LIMCH1: variants seen among roughly 807,000 people sequenced by gnomAD.
LIMCH1 encodes LIM and calponin homology domains 1, also known as LIM and calponin homology domains-containing protein 1.
A neutral mutation model predicts 176.5 loss-of-function variants in LIMCH1; 113 were observed. That is an observed-to-expected ratio of 0.64 (90% CI 0.55 to 0.75). The LOEUF (loss-of-function observed/expected upper bound fraction) is 0.75, where lower values mean the gene tolerates loss of function less well. Ranked by LOEUF, LIMCH1 falls within the 30% of genes least tolerant of loss-of-function variation. LIMCH1 has a pLI of 0.00. For synonymous variants in LIMCH1, 619 were observed against 645.9 expected, an observed-to-expected ratio of 0.96 and a Z score of 0.63; for missense variants, 1,674 against 1,814.9, an observed-to-expected ratio of 0.92 and a Z score of 1.41.
chr4:41,429,428 C>T (rs953667301), intron 1 of LIMCH1, among the ~76,000 whole-genome samples: 6 of 152,146 alleles, frequency 3.9e-5, no homozygotes, highest in African/African-American at 1.4e-4. Context: ...TGTGAACAGA[C>T]TGTTCTCTAC....
intron 1 of LIMCH1, among the ~76,000 whole-genome samples, chr4:41,410,925 A>G (rs3923631): frequency 6.6e-6 from 1 of 151,910 alleles, no homozygotes; most frequent in African/African-American, 2.4e-5. Context: ...CTGCTAGCCC[A>G]TCCGGATAAA....
At chr4:41,493,537 T>G (rs932622078) in intron 1 of LIMCH1, among the ~76,000 whole-genome samples, 2 of 152,182 alleles carry the variant, frequency 1.3e-5, no homozygotes, top group African/African-American at 4.8e-5. Context: ...TTATATTATA[T>G]TATGCAGTGT....
chr4:41,415,838 A>G (rs1314267278), intron 1 of LIMCH1, among the ~76,000 whole-genome samples: 1 of 152,068 alleles, frequency 6.6e-6, no homozygotes, highest in Non-Finnish European at 1.5e-5. Flanking sequence ...ATAGCTGGGC[A>G]TGGTGGCACG....
chr4:41,502,438 G>A (rs6832105), intron 2 of LIMCH1, among the ~76,000 whole-genome samples: 24,840 of 151,908 alleles, frequency 0.16, 3,107 homozygotes, highest in African/African-American at 0.35. Flanking sequence ...TAATGGGATC[G>A]CTGGGTCAAA....
At chr4:41,676,972 G>GGCCAACATGACGAAACCCC (rs1354020505) in intron 23 of LIMCH1, among the ~76,000 whole-genome samples, 3 of 151,976 alleles carry the variant, frequency 2.0e-5, no homozygotes, top group African/African-American at 7.3e-5. Context: ...AGACCAGCCT[G>GGCCAACATGACGAAACCCC]GCCAACATGA....
intron 18 of LIMCH1, among the ~76,000 whole-genome samples, chr4:41,658,103 C>T (rs1383145035): frequency 6.6e-6 from 1 of 152,128 alleles, no homozygotes; most frequent in Non-Finnish European, 1.5e-5. Flanking sequence ...AGGGTTCCCA[C>T]CTCCCCTGCC....
At chr4:41,631,627 T>A (rs1369593028) in intron 10 of LIMCH1, 150 bp downstream of exon 10, 5 of 629,288 alleles carry the variant, frequency 7.9e-6, no homozygotes, top group Non-Finnish European at 1.3e-5. Context: ...CGGGTCCCCC[T>A]GCGGGGAACA....
intron 2 of LIMCH1, among the ~76,000 whole-genome samples, chr4:41,515,292 C>T (rs1360404390): frequency 6.6e-6 from 1 of 152,252 alleles, no homozygotes; most frequent in Non-Finnish European, 1.5e-5. Context: ...CTTCCTTCCT[C>T]CGCGTCCCCA....
chr4:41,619,507 G>A, intron 6 of LIMCH1, 67 bp downstream of exon 6: 1 of 1,582,544 alleles, frequency 6.3e-7, no homozygotes, highest in East Asian at 2.2e-5. Flanking sequence ...TGCAGCTCCT[G>A]GACAGGAACG....
At chr4:41,406,392 T>C (rs2058963859) in intron 1 of LIMCH1, among the ~76,000 whole-genome samples, 2 of 152,164 alleles carry the variant, frequency 1.3e-5, no homozygotes, top group Admixed American at 1.3e-4. Context: ...ATCAGAAGCT[T>C]GACTTTTACC....
intron 22 of LIMCH1, among the ~76,000 whole-genome samples, chr4:41,674,941 C>T (rs2095166528): frequency 6.6e-6 from 1 of 152,084 alleles, no homozygotes; most frequent in South Asian, 2.1e-4. Flanking sequence ...AAATGATTTT[C>T]CCCCTGCATA....
intron 1 of LIMCH1, among the ~76,000 whole-genome samples, chr4:41,598,598 A>G (rs2089359447): frequency 6.6e-6 from 1 of 152,166 alleles, no homozygotes; most frequent in Non-Finnish European, 1.5e-5. Flanking sequence ...ATGGACAAAG[A>G]AGCAATAAGG....
intron 4 of LIMCH1, among the ~76,000 whole-genome samples, chr4:41,610,110 A>G (rs1584824686): frequency 6.6e-6 from 1 of 152,158 alleles, no homozygotes; most frequent in African/African-American, 2.4e-5. Flanking sequence ...GGCTTTCTAC[A>G]CAGCCGTGAA....
At chr4:41,458,103 A>G (rs781538173) in intron 1 of LIMCH1, among the ~76,000 whole-genome samples, 4 of 152,196 alleles carry the variant, frequency 2.6e-5, no homozygotes, top group African/African-American at 7.2e-5. Context: ...TGATGTAATT[A>G]TTATGCATCG....
chr4:41,371,206 A>G (rs2053907239), intron 1 of LIMCH1, among the ~76,000 whole-genome samples: 1 of 152,148 alleles, frequency 6.6e-6, no homozygotes, highest in Non-Finnish European at 1.5e-5. Flanking sequence ...CATTCCCTTA[A>G]TGGTTCAATA....
chr4:41,588,200 C>G (rs1230499434), intron 1 of LIMCH1, among the ~76,000 whole-genome samples: 3 of 150,290 alleles, frequency 2.0e-5, no homozygotes, highest in Non-Finnish European at 3.0e-5. Context: ...GTTTTTTGTT[C>G]TTGCGATAGT....
intron 3 of LIMCH1, chr4:41,604,392 T>A (rs778237610): frequency 6.0e-5 from 11 of 183,534 alleles, no homozygotes; most frequent in Non-Finnish European, 7.2e-5. Context: ...TTTTTGTAGA[T>A]CTTATTTTCA....
At chr4:41,505,019 A>G (rs757914084) in intron 2 of LIMCH1, among the ~76,000 whole-genome samples, 15 of 152,236 alleles carry the variant, frequency 9.9e-5, no homozygotes, top group Non-Finnish European at 1.9e-4. Context: ...AAAACAGATC[A>G]TAATTGTAAA....
chr4:41,383,988 T>G (rs1036190938), intron 1 of LIMCH1, among the ~76,000 whole-genome samples: 4 of 152,108 alleles, frequency 2.6e-5, no homozygotes, highest in African/African-American at 9.7e-5. Context: ...CAAGAGGAAT[T>G]TTCAAGAAGG....
Sources: allele counts gnomAD v4.1 joint callset (sites outside exome capture counted in the v4.1 genomes callset), GRCh38; gene constraint gnomAD v4.1.1; transcripts MANE v1.5; gene names NCBI Gene and HGNC (gene_info 2026-07-23, HGNC 2026-07-21).